The following DLEU7 variants were observed in gnomAD, a reference collection of about 807,000 sequenced individuals.
DLEU7 encodes the protein deleted in lymphocytic leukemia 7, also known as leukemia-associated protein 7.
A neutral mutation model predicts 16.0 loss-of-function variants in DLEU7; 17 were observed. That is an observed-to-expected ratio of 1.06 (90% CI 0.73 to 1.59). DLEU7 has a LOEUF of 1.59. Among genes scored for constraint, DLEU7 ranks in the 40% most tolerant of loss-of-function variants. The probability of loss-of-function intolerance (pLI) is 0.00; values close to 1 mark genes in which losing one functional copy is unlikely to be tolerated. For synonymous variants in DLEU7, 113 were observed against 139.8 expected (o/e 0.81, Z 1.35); for missense variants, 308 against 314.9 (o/e 0.98, Z 0.17).
chr13:50,758,798 A>C (rs953188089), intron 1 of DLEU7, among the ~76,000 whole-genome samples: 1 of 152,234 alleles, frequency 6.6e-6, no homozygotes, highest in African/African-American at 2.4e-5. Context: ...GAGGATACTC[A>C]AGAAAGAAGC....
chr13:50,817,971 T>A (rs1409976575), downstream of DLEU7, among the ~76,000 whole-genome samples: 2 of 152,110 alleles, frequency 1.3e-5, no homozygotes, highest in Non-Finnish European at 2.9e-5. Context: ...AGATCACCAG[T>A]ATGTCCCCAA....
chr13:50,827,144 A>G (rs1877111976), intron 1 of DLEU7, among the ~76,000 whole-genome samples: 1 of 152,236 alleles, frequency 6.6e-6, no homozygotes, highest in Non-Finnish European at 1.5e-5. Context: ...CGTGGAGTTT[A>G]GGACATCTAA....
chr13:50,787,100 T>C (rs768906599), intron 1 of DLEU7, among the ~76,000 whole-genome samples: 5 of 152,180 alleles, frequency 3.3e-5, no homozygotes, highest in Non-Finnish European at 7.3e-5. Context: ...GTTTCAAGTT[T>C]TGGATAATTT....
chr13:50,823,034 A>G lies in DLEU7; in HGVS notation c.*280T>C. On this transcript the variant is annotated 3_prime_UTR_variant, in exon 2 of 2. Coordinates refer to ENST00000504404, the MANE Select transcript of DLEU7 (RefSeq NM_001306135.2). ...ATAATATGAATAAATATATACATAC[A>G]TAATCAAATCAGCTTCACAAAGTAG... is the stretch of plus-strand genomic sequence containing the variant. 3 of 1,063,402 alleles carry G rather than the reference A, an allele frequency of 2.8e-6. No individual in the cohort carries two copies. Among genetic ancestry groups the G allele is most frequent in the Non-Finnish European group, 3.5e-6 (3 of 850,760 alleles). The allele number at this position is 1,063,402 out of a possible 1,614,324, so 65.9% of individuals were successfully genotyped here.
intron 1 of DLEU7, among the ~76,000 whole-genome samples, chr13:50,773,533 C>T (rs2137758734): frequency 6.6e-6 from 1 of 152,336 alleles, no homozygotes; most frequent in Middle Eastern, 3.4e-3. Flanking sequence ...CGTCCCTCAA[C>T]TGCAGGTCTG....
chr13:50,804,154 C>A lies in DLEU7; in HGVS notation c.459+39034G>T, dbSNP rs921916310. 2.0e-5 allele frequency among the ~76,000 whole-genome samples: 3 copies of A among 152,040 alleles called. No homozygotes were observed. In the East Asian group the frequency reaches 5.8e-4, roughly 29 times the overall value. ...TTTTAATGTCAGGTAGGGCTAGTAC[C>A]ATGTATTTTCTATTTTTTCCCCTGA... On this transcript the variant is annotated intron_variant, in intron 1 of 1. Transcript: ENST00000400393.
chr13:50,821,510 C>A (rs1593409673), downstream of DLEU7, among the ~76,000 whole-genome samples: 1 of 151,950 alleles, frequency 6.6e-6, no homozygotes, highest in African/African-American at 2.4e-5. Flanking sequence ...GTGATAAACA[C>A]CAGAAAAGTA....
chr13:50,791,077 T>G (rs920186848), intron 1 of DLEU7, among the ~76,000 whole-genome samples: 6 of 152,016 alleles, frequency 3.9e-5, no homozygotes, highest in Non-Finnish European at 8.8e-5. Flanking sequence ...GTCCAGGGGC[T>G]TTGGCCCTGG....
At chr13:50,773,671 T>C (rs929664442) in intron 1 of DLEU7, among the ~76,000 whole-genome samples, 1 of 152,116 alleles carries the variant, frequency 6.6e-6, no homozygotes, top group African/African-American at 2.4e-5. Flanking sequence ...CATCCAGCTA[T>C]ATGAAGTGTC....
At chr13:50,817,262 C>A (rs1876761344) in intron 1 of DLEU7, among the ~76,000 whole-genome samples, 1 of 152,150 alleles carries the variant, frequency 6.6e-6, no homozygotes, top group Non-Finnish European at 1.5e-5. Context: ...ATGCATGGAG[C>A]AGATATGAAC....
chr13:50,824,815 C>A (rs532552516), intron 1 of DLEU7, among the ~76,000 whole-genome samples: 13 of 152,046 alleles, frequency 8.6e-5, no homozygotes, highest in Non-Finnish European at 1.6e-4. Context: ...CATTGCCCTA[C>A]AATAGTATTT....
chr13:50,760,591 G>T (rs1874898925), intron 1 of DLEU7, among the ~76,000 whole-genome samples: 1 of 152,132 alleles, frequency 6.6e-6, no homozygotes, highest in African/African-American at 2.4e-5. Context: ...TCAAACTCCT[G>T]GCCTCAAGTG....
chr13:50,713,023 T>C lies in DLEU7; in HGVS notation c.*194A>G, dbSNP rs1873339979. 5.1e-6 allele frequency: 3 copies of C among 590,144 alleles called. No individual in the cohort carries two copies. The Admixed American group carries it at 9.2e-5, about 18-fold the overall frequency. The allele number at this position is 590,144 out of a possible 1,614,324, so 36.6% of individuals were successfully genotyped here. A position where few individuals can be genotyped will look rare whatever the true frequency, so the allele number is the denominator to read the frequency against. On this transcript the variant is annotated 3_prime_UTR_variant, in exon 2 of 2. Coordinates refer to the DLEU7 transcript ENST00000400393. ...CAGGATGATTTGTGGCGCGTTCCAA[T>C]CGGAGGTAATAAGAAGTCAGAGATC...
At position 50,843,149 on chromosome 13, in the gene DLEU7, A is replaced by G. The variant is rs1877726721; in HGVS notation, c.459+39T>C. ...CCCCACCCTTGGAGGATGGGAGGTT[A>G]CCCTGCACGCCAGAGGGGATGGCGG... On this transcript the variant is annotated intron_variant, in intron 1 of 1. Transcript: ENST00000504404. This position sits in a 1 kb window ranked among gnomAD's most constrained non-coding sequence, Gnocchi z 5.7. 6.4e-7 allele frequency: 1 copy of G among 1,557,564 alleles called. No individual in the cohort carries two copies. Among genetic ancestry groups the G allele is most frequent in the South Asian group, 1.2e-5 (1 of 85,840 alleles).
chr13:50,767,259 T>C (rs1324121821), intron 1 of DLEU7, among the ~76,000 whole-genome samples: 1 of 151,994 alleles, frequency 6.6e-6, no homozygotes, highest in Admixed American at 6.5e-5. Context: ...ATCGAGACCA[T>C]CCTGGCTAAC....
chr13:50,780,392 C>T (rs890434814), intron 1 of DLEU7, among the ~76,000 whole-genome samples: 1 of 152,136 alleles, frequency 6.6e-6, no homozygotes, highest in African/African-American at 2.4e-5. Context: ...TGTGAAGGGT[C>T]ATTTTGTTTT....
At chr13:50,819,327 T>A (rs1876827447), downstream of DLEU7, among the ~76,000 whole-genome samples, 1 of 152,124 alleles carries the variant, frequency 6.6e-6, no homozygotes, top group Admixed American at 6.5e-5. Context: ...GAGACTCGTG[T>A]CTTAGGTGTG....
intron 1 of DLEU7, among the ~76,000 whole-genome samples, chr13:50,715,754 A>G (rs1242415194): frequency 6.6e-6 from 1 of 152,238 alleles, no homozygotes; most frequent in East Asian, 1.9e-4. Flanking sequence ...TCCACTTGAG[A>G]AAATCATCGG....
chr13:50,752,994 G>C (rs1246708412), intron 1 of DLEU7, among the ~76,000 whole-genome samples: 1 of 152,184 alleles, frequency 6.6e-6, no homozygotes, highest in African/African-American at 2.4e-5. Flanking sequence ...AGACACAAAG[G>C]TTCTCCTCGT....
Sources: gnomAD v4.1 joint callset for allele counts (sites outside exome capture counted in the v4.1 genomes callset) on GRCh38, gnomAD v4.1.1 for gene constraint, Gnocchi (gnomAD v3.1) non-coding constraint, MANE v1.5 for transcripts, NCBI Gene and HGNC (gene_info 2026-07-23, HGNC 2026-07-21) for gene names.